Variants in NUP58 observed in about 807,000 individuals in gnomAD.
The protein encoded by NUP58 is nucleoporin 58.
NUP58 carries 17 observed loss-of-function variants against 70.1 expected under a neutral mutation model. The observed-to-expected ratio is 0.24, with a 90% CI of 0.17 to 0.36. NUP58 has a LOEUF of 0.36. Ranked by LOEUF, NUP58 falls within the 10% of genes least tolerant of loss-of-function variation. The pLI is 1.00. For synonymous variants in NUP58, 275 were observed against 257.6 expected, an observed-to-expected ratio of 1.07 and a Z score of -0.65; for missense variants, 644 against 701.5, an observed-to-expected ratio of 0.92 and a Z score of 0.93.
At chr13:25,312,454 C>T (rs563083037) in intron 3 of NUP58, among the ~76,000 whole-genome samples, 18 of 152,164 alleles carry the variant, frequency 1.2e-4, no homozygotes, top group African/African-American at 4.3e-4. Context: ...TGCAACCTCC[C>T]CCTCCCAGGT....
chr13:25,337,124 T>C, intron 14 of NUP58, 90 bp downstream of exon 14: 1 of 739,278 alleles, frequency 1.4e-6, no homozygotes, highest in South Asian at 2.8e-5. Context: ...GAGAATCTCC[T>C]GCTATTTTGG....
rs768624746 is a variant in NUP58, at chr13:25,320,933, A to G, written c.791A>G (p.Glu264Gly). The G allele has an allele frequency of 1.5e-5, 23 of 1,555,582 alleles. No homozygotes were observed. The South Asian group carries it at 2.7e-4, about 18-fold the overall frequency. Residue 264 changes from glutamate to glycine, a missense_variant, in exon 9 of 16, where the codon GAG becomes GGG. This residue lies in a region of NUP58 where 430 missense variants were observed against 409.2 expected (regional missense o/e 1.05). Coordinates refer to ENST00000381736, the MANE Select transcript of NUP58 (RefSeq NM_014089.4). Reference protein sequence around the residue: ...DVENLQKFVKEQKQVQEEISR... With the variant: ...DVENLQKFVKGQKQVQEEISR... ...ATATTTTTTAGGAAATTTGTGAAGG[A>G]GCAGAAACAAGTTCAAGAAGAAATT...
In NUP58 at chr13:25,336,992, A is replaced by G; in HGVS notation, c.1492A>G (p.Thr498Ala). 3 of 1,607,536 alleles carry G rather than the reference A, an allele frequency of 1.9e-6. No individual in the cohort carries two copies. Among genetic ancestry groups the G allele is most frequent in the South Asian group, 1.1e-5 (1 of 90,428 alleles). The change falls in exon 14 of 16, where the codon ACT becomes GCT. Residue 498 changes from threonine (T) to alanine (A), a missense_variant. This residue lies in a region of NUP58 where 132 missense variants were observed against 203.9 expected (regional missense o/e 0.65). Coordinates refer to ENST00000381736, the MANE Select transcript of NUP58 (RefSeq NM_014089.4). Reference protein sequence around the residue: ...FGTPFGSGIGTGLQSSGLGSS... With the variant: ...FGTPFGSGIGAGLQSSGLGSS... Reference sequence around the variant, plus strand: ...AACGCCATTCGGCTCAGGTATTGGCACTGGCTTGCAATCAAGTGGCTTAGG... The same window carrying G: ...AACGCCATTCGGCTCAGGTATTGGCGCTGGCTTGCAATCAAGTGGCTTAGG...
At chr13:25,317,540 A>C (rs1040959535) in intron 6 of NUP58, among the ~76,000 whole-genome samples, 2 of 152,114 alleles carry the variant, frequency 1.3e-5, no homozygotes, top group African/African-American at 4.8e-5. Flanking sequence ...TTTTTTTTAT[A>C]TACATGTTTG....
chr13:25,338,972 T>A, intron 15 of NUP58: 1 of 281,210 alleles, frequency 3.6e-6, no homozygotes, highest in Non-Finnish European at 6.6e-6. Context: ...TAATTACATC[T>A]TCTAACTCAG....
chr13:25,320,581 T>C lies in NUP58; in HGVS notation c.762T>C (p.Asp254=). Residue 254 remains aspartate, a synonymous_variant, in exon 8 of 16, where the codon GAT becomes GAC. Coordinates refer to ENST00000381736, the MANE Select transcript of NUP58 (RefSeq NM_014089.4). The part of the protein sequence containing the change: ...DENLPPVICQ[D]VENLQKFVKE... ...ATCTACCTCCTGTCATCTGCCAGGA[T>C]GTTGAAAATCTCCAGTAAGTGTCAA... 6.2e-7 allele frequency: 1 copy of C among 1,608,436 alleles called. No homozygotes were observed. The highest frequency in any genetic ancestry group is 8.5e-7 in the Non-Finnish European group (1 of 1,175,440).
At position 25,342,137 on chromosome 13, in the gene NUP58, G is replaced by C. The variant is rs1457981944; in HGVS notation, c.*2003G>C. ...CCAGATCCAGAACATGGGAAGTTAG[G>C]GAAAATGTGTGATTTTGTGTTTTGA... On this transcript the variant is annotated 3_prime_UTR_variant, in exon 16 of 16. Transcript: ENST00000381736. The C allele has an allele frequency of 1.3e-5, 2 of 152,438 alleles. No homozygotes were observed. The highest frequency in any genetic ancestry group is 2.9e-5 in the Non-Finnish European group (2 of 68,000). The allele number at this position is 152,438 out of a possible 1,614,324, so 9.4% of individuals were successfully genotyped here. A position where few individuals can be genotyped will look rare whatever the true frequency, so the allele number is the denominator to read the frequency against.
chr13:25,308,149 A>G (rs561306007), intron 2 of NUP58: 8 of 454,256 alleles, frequency 1.8e-5, no homozygotes, highest in Non-Finnish European at 3.0e-5. Context: ...ACTCTGATAT[A>G]ACGAAGGAAA....
downstream of NUP58, among the ~76,000 whole-genome samples, chr13:25,344,385 C>A (rs1000402790): frequency 6.6e-6 from 1 of 152,170 alleles, no homozygotes. Flanking sequence ...ATAATATAAT[C>A]TAAAGCATTT....
Position 25,331,452 on chromosome 13 carries a change from G to C in NUP58, c.1329G>C (p.Gln443His), listed in dbSNP as rs748484716. The change falls in exon 13 of 16, where the codon CAG (glutamine) becomes CAC (histidine). Residue 443 changes from glutamine to histidine, a missense_variant. Physicochemically the swap from Gln to His is conservative, Grantham distance 24 (BLOSUM62 0). Around this residue, in one of 4 missense-constraint regions of NUP58, gnomAD observed 132 missense variants for 203.9 expected, o/e 0.65. Coordinates refer to ENST00000381736, the MANE Select transcript of NUP58 (RefSeq NM_014089.4). ...GGCGAGCAGAAGCCAAGAAGTGGCA[G>C]AACACACCCAGAGTTACTACTGGAC... ...ETRRAEAKKWQNTPRVTTGPT... is the reference protein window; with the variant it reads ...ETRRAEAKKWHNTPRVTTGPT... 6.2e-7 allele frequency: 1 copy of C among 1,614,194 alleles called. No homozygotes were observed. The highest frequency in any genetic ancestry group is 8.5e-7 in the Non-Finnish European group (1 of 1,180,016).
chr13:25,335,351 T>C (rs1416568072), intron 13 of NUP58: 3 of 985,304 alleles, frequency 3.0e-6, no homozygotes, highest in Non-Finnish European at 3.6e-6. Context: ...GGCTGAGGGC[T>C]GTGGTGTGCA....
Position 25,326,993 on chromosome 13 carries a change from A to G in NUP58, c.1109A>G (p.His370Arg), listed in dbSNP as rs1485950868. The G allele has an allele frequency of 1.2e-6, 2 of 1,605,826 alleles. No individual in the cohort carries two copies. Among genetic ancestry groups the G allele is most frequent in the Admixed American group, 1.7e-5 (1 of 59,130 alleles). The change falls in exon 11 of 16, where the codon CAT (histidine) becomes CGT (arginine). Residue 370 changes from histidine to arginine, a missense_variant. Around this residue, in one of 4 missense-constraint regions of NUP58, gnomAD observed 78 missense variants for 71.3 expected, o/e 1.09. Coordinates refer to ENST00000381736, the MANE Select transcript of NUP58 (RefSeq NM_014089.4). ...CAGCAGATTGAAGAACTAGAAAACC[A>G]TCTTGCCACTCAAGCAAATAATTCA... is the stretch of plus-strand genomic sequence containing the variant. ...YRQQIEELEN[H>R]LATQANNSHI...
intron 6 of NUP58, among the ~76,000 whole-genome samples, chr13:25,316,023 G>A (rs534648432): frequency 3.9e-5 from 6 of 152,082 alleles, no homozygotes; most frequent in African/African-American, 1.2e-4. Context: ...AGACATGTAG[G>A]TGTCTCCTTT....
chr13:25,331,839 T>C (rs1284380519), intron 13 of NUP58: 2 of 1,218,742 alleles, frequency 1.6e-6, no homozygotes, highest in African/African-American at 3.1e-5. Flanking sequence ...GGTGTTTCAC[T>C]AGTGAATTAC....
intron 13 of NUP58, chr13:25,332,102 A>C: frequency 1.0e-6 from 1 of 990,904 alleles, no homozygotes; most frequent in Non-Finnish European, 1.2e-6. Flanking sequence ...AAGCCCTCTA[A>C]ACCAAATTTT....
chr13:25,301,782 A>G lies in NUP58; in HGVS notation c.9A>G (p.Thr3=). 2 of 1,612,120 alleles carry G rather than the reference A, an allele frequency of 1.2e-6. No homozygotes were observed. Among genetic ancestry groups the G allele is most frequent in the South Asian group, 1.1e-5 (1 of 90,866 alleles). MS[T]GFSFGSGTLG... ...TCGAGCCCTGGCCAGACATGTCCAC[A>G]GGGTTCTCCTTCGGGTCCGGGACTC... The change falls in exon 1 of 16, where the codon ACA becomes ACG. Residue 3 remains threonine, a synonymous_variant. Transcript: ENST00000381736.
intron 1 of NUP58, among the ~76,000 whole-genome samples, chr13:25,304,520 A>AT (rs71868545): frequency 5.1e-4 from 48 of 93,252 alleles, no homozygotes; most frequent in East Asian, 2.5e-3. Context: ...ATATATATGT[A>AT]TTTTTTTTTT....
chr13:25,335,084 G>A, intron 13 of NUP58: 1 of 984,838 alleles, frequency 1.0e-6, no homozygotes, highest in East Asian at 1.1e-4. Flanking sequence ...TTTATCATGA[G>A]TTTTTACTAT....
In NUP58 at chr13:25,308,586, T is replaced by C. The variant is rs73466650; in HGVS notation, c.250+638T>C. Among the ~76,000 whole-genome samples, 657 of 152,214 alleles carry C rather than the reference T, an allele frequency of 4.3e-3. 4 individuals are homozygous for C. The highest frequency in any genetic ancestry group is 0.015 in the African/African-American group (635 of 41,520). ...TTGGCCTCTCAGAGTGCTGGGATTA[T>C]AGGCCTGAGTTACCATGCCTGGTCT... is the stretch of plus-strand genomic sequence containing the variant. On this transcript the variant is annotated intron_variant, in intron 2 of 15. Transcript: ENST00000381736.
Sources: allele counts gnomAD v4.1 joint callset (sites outside exome capture counted in the v4.1 genomes callset), GRCh38; gene constraint gnomAD v4.1.1; regional missense constraint gnomAD v4.1.1; transcripts MANE v1.5; gene names NCBI Gene and HGNC (gene_info 2026-07-23, HGNC 2026-07-21).